Variants in RBMS3 observed in about 807,000 individuals in gnomAD.
RBMS3 encodes RNA-binding motif, single-stranded-interacting protein 3.
Under a neutral mutation model 66.8 loss-of-function variants are expected in RBMS3, and 27 were observed. The observed-to-expected ratio is 0.40, with a 90% CI of 0.30 to 0.56. RBMS3 has a LOEUF of 0.56. RBMS3 is among the 20% of genes least tolerant of loss of function. The pLI is 0.40. For synonymous variants in RBMS3, 188 were observed against 183.0 expected, an observed-to-expected ratio of 1.03 and a Z score of -0.22; for missense variants, 513 against 549.5, an observed-to-expected ratio of 0.93 and a Z score of 0.66.
At chr3:29,509,898 G>A (rs1317943074) in intron 3 of RBMS3, among the ~76,000 whole-genome samples, 1 of 152,200 alleles carries the variant, frequency 6.6e-6, no homozygotes, top group East Asian at 1.9e-4. Context: ...CTTTGCACGT[G>A]AAGTAGTTGT....
chr3:29,933,125 C>T (rs2061173434), intron 10 of RBMS3, among the ~76,000 whole-genome samples: 2 of 152,166 alleles, frequency 1.3e-5, no homozygotes, highest in African/African-American at 2.4e-5. Flanking sequence ...TCAGACACCA[C>T]ATCCTATACA....
intron 2 of RBMS3, among the ~76,000 whole-genome samples, chr3:29,469,590 TA>T (rs960639577): frequency 7.4e-5 from 11 of 148,560 alleles, no homozygotes; most frequent in African/African-American, 2.2e-4. Flanking sequence ...AAATGTTAAG[TA>T]AAAAAAAAGT....
chr3:29,636,219 G>T (rs9845781), intron 4 of RBMS3, among the ~76,000 whole-genome samples: 48,241 of 151,610 alleles, frequency 0.32, 8,191 homozygotes, highest in African/African-American at 0.43. Context: ...ACTCACTTGT[G>T]TTTATATTAA....
intron 7 of RBMS3, among the ~76,000 whole-genome samples, chr3:29,871,223 TAG>T (rs1476181704): frequency 6.6e-6 from 1 of 152,152 alleles, no homozygotes; most frequent in Non-Finnish European, 1.5e-5. Context: ...TTGGTTCTCT[TAG>T]ACTAAGTGGT....
At chr3:29,717,881 TG>T (rs1318642332) in intron 4 of RBMS3, among the ~76,000 whole-genome samples, 1 of 152,158 alleles carries the variant, frequency 6.6e-6, no homozygotes, top group Non-Finnish European at 1.5e-5. Context: ...CATCAGATTT[TG>T]CTGCAAGCGT....
intron 6 of RBMS3, among the ~76,000 whole-genome samples, chr3:29,781,649 A>T (rs1056301695): frequency 1.3e-5 from 2 of 152,052 alleles, no homozygotes; most frequent in African/African-American, 4.8e-5. Flanking sequence ...TAAAAGTTGA[A>T]ATTGGATCAC....
chr3:29,380,479 C>A (rs13084147), intron 1 of RBMS3, among the ~76,000 whole-genome samples: 28,598 of 152,068 alleles, frequency 0.19, 2,990 homozygotes, highest in Non-Finnish European at 0.24. Context: ...TTATAATGTG[C>A]TTGGTATTGT....
chr3:29,846,700 AT>A (rs1424705081), intron 6 of RBMS3, among the ~76,000 whole-genome samples: 2 of 152,222 alleles, frequency 1.3e-5, no homozygotes, highest in Non-Finnish European at 2.9e-5. Context: ...CTCTAAAAAA[AT>A]GTGATAGAAT....
chr3:29,587,049 T>G, intron 3 of RBMS3, 65 bp from the exon 4 acceptor site: 5 of 1,246,150 alleles, frequency 4.0e-6, no homozygotes, highest in Non-Finnish European at 4.6e-6. Context: ...AACTTGTACT[T>G]CATCAGTGAA....
chr3:29,370,785 A>G (rs1172849360), intron 1 of RBMS3, among the ~76,000 whole-genome samples: 4 of 152,242 alleles, frequency 2.6e-5, no homozygotes, highest in Non-Finnish European at 5.9e-5. Flanking sequence ...AATCCATAGT[A>G]TATAGATTTG....
At chr3:29,821,681 C>T (rs114366663) in intron 6 of RBMS3, among the ~76,000 whole-genome samples, 6,098 of 152,168 alleles carry the variant, frequency 0.04, 192 homozygotes, top group Non-Finnish European at 0.062. Flanking sequence ...GAAAGTACAA[C>T]GAATAATTCC....
At chr3:29,373,916 C>A (rs1383403475) in intron 1 of RBMS3, among the ~76,000 whole-genome samples, 2 of 152,094 alleles carry the variant, frequency 1.3e-5, no homozygotes, top group Admixed American at 6.6e-5. Flanking sequence ...GTATTAGTAT[C>A]CTGCCTAGTA....
chr3:29,877,469 TAA>T (rs973401441), intron 7 of RBMS3, among the ~76,000 whole-genome samples: 4 of 152,216 alleles, frequency 2.6e-5, no homozygotes, highest in Non-Finnish European at 4.4e-5. Flanking sequence ...TATGAAAATT[TAA>T]AGAGTATAGT....
intron 4 of RBMS3, among the ~76,000 whole-genome samples, chr3:29,670,053 G>A (rs997478774): frequency 6.6e-6 from 1 of 152,182 alleles, no homozygotes; most frequent in South Asian, 2.1e-4. Flanking sequence ...ATCATTCCAT[G>A]TAATCATTCC....
At chr3:29,706,473 G>C (rs1016482234) in intron 4 of RBMS3, among the ~76,000 whole-genome samples, 1 of 152,106 alleles carries the variant, frequency 6.6e-6, no homozygotes, top group Admixed American at 6.5e-5. Flanking sequence ...TTTCACAGAC[G>C]GCACTGGAGC....
chr3:29,535,710 C>CTTTTTTTTTTTTTTTTTTT lies in RBMS3; in HGVS notation c.307+47224_307+47242dup, dbSNP rs149022808. 9.1e-4 allele frequency among the ~76,000 whole-genome samples: 36 copies of CTTTTTTTTTTTTTTTTTTT among 39,744 alleles called. 11 individuals are homozygous for CTTTTTTTTTTTTTTTTTTT. The highest frequency in any genetic ancestry group is 2.7e-3 in the African/African-American group (27 of 9,860). The allele number at this position is 39,744 out of a possible 152,430, so 26.1% of individuals were successfully genotyped here. Reference sequence around the variant, plus strand: ...GAGTTCAATGATTGAGATCATTGCTCTTTTTTTTTTTTTTTTTTTTTTTTT... The same window carrying CTTTTTTTTTTTTTTTTTTT: ...GAGTTCAATGATTGAGATCATTGCTCTTTTTTTTTTTTTTTTTTTTTTTTTTTTTTTTTTTTTTTTTTTT... On this transcript the variant is annotated intron_variant, in intron 3 of 14. Coordinates refer to ENST00000383767, the MANE Select transcript of RBMS3 (RefSeq NM_001003793.3).
chr3:29,877,710 AC>A (rs1399700379), intron 7 of RBMS3, among the ~76,000 whole-genome samples: 1 of 152,144 alleles, frequency 6.6e-6, no homozygotes, highest in Non-Finnish European at 1.5e-5. Flanking sequence ...CCTGGTAGAA[AC>A]AAACCATTCA....
chr3:29,483,512 T>A (rs2043216938), intron 2 of RBMS3, among the ~76,000 whole-genome samples: 1 of 152,004 alleles, frequency 6.6e-6, no homozygotes, highest in Non-Finnish European at 1.5e-5. Context: ...ATCTACTGAG[T>A]CAGATTTCTG....
At chr3:29,905,423 A>G (rs2060353317) in intron 10 of RBMS3, among the ~76,000 whole-genome samples, 1 of 152,064 alleles carries the variant, frequency 6.6e-6, no homozygotes, top group African/African-American at 2.4e-5. Context: ...TTAAGATTCA[A>G]AATTTCATTT....
Sources: gnomAD v4.1 joint callset for allele counts (sites outside exome capture counted in the v4.1 genomes callset) on GRCh38, gnomAD v4.1.1 for gene constraint, MANE v1.5 for transcripts, NCBI Gene and HGNC (gene_info 2026-07-23, HGNC 2026-07-21) for gene names.